The following ZBTB44 variants were observed in gnomAD, a reference collection of about 807,000 sequenced individuals.
ZBTB44 encodes zinc finger and BTB domain-containing protein 44.
ZBTB44 carries 15 observed loss-of-function variants against 54.0 expected under a neutral mutation model. The ratio of observed to expected loss-of-function variants is 0.28; its 90% confidence interval spans 0.19 to 0.43. The LOEUF is 0.43. Ranked by LOEUF, ZBTB44 falls within the 20% of genes least tolerant of loss-of-function variation. The probability of loss-of-function intolerance (pLI) is 1.00; values close to 1 mark genes in which losing one functional copy is unlikely to be tolerated. For synonymous variants in ZBTB44, 230 were observed against 250.1 expected (o/e 0.92, Z 0.76); for missense variants, 487 against 707.1 (o/e 0.69, Z 3.53).
At chr11:130,311,367 C>A (rs1942591808) in intron 1 of ZBTB44, among the ~76,000 whole-genome samples, 1 of 152,046 alleles carries the variant, frequency 6.6e-6, no homozygotes, top group African/African-American at 2.4e-5. Flanking sequence ...CACCACCACG[C>A]CTGGCTAATT....
In ZBTB44 at chr11:130,233,649, A is replaced by G. The variant is rs1357517523; in HGVS notation, c.1687-267T>C. The G allele has an allele frequency of 4.0e-6, 5 of 1,259,734 alleles. No homozygotes were observed. The African/African-American group carries it at 6.2e-5, about 16-fold the overall frequency. The allele number at this position is 1,259,734 out of a possible 1,614,324, so 78.0% of individuals were successfully genotyped here. On this transcript the variant is annotated intron_variant, in intron 6 of 7. Transcript: ENST00000357899. Reference sequence around the variant, plus strand: ...TTCTCATGTACCCTCTTGTCTCAAGAAGGTCAATAATCATCTGATTTCCTC... The same window carrying G: ...TTCTCATGTACCCTCTTGTCTCAAGGAGGTCAATAATCATCTGATTTCCTC...
chr11:130,299,205 A>G (rs966019859), intron 1 of ZBTB44, among the ~76,000 whole-genome samples: 3 of 152,236 alleles, frequency 2.0e-5, no homozygotes, highest in Non-Finnish European at 4.4e-5. Flanking sequence ...ATGCTGGGCC[A>G]TAAGACAAAT....
chr11:130,297,051 C>G, intron 1 of ZBTB44: 1 of 664,496 alleles, frequency 1.5e-6, no homozygotes, highest in South Asian at 1.8e-5. Context: ...GCAGCTCTCT[C>G]ATTGAAGACA....
chr11:130,233,647 A>G, intron 6 of ZBTB44: 2 of 1,262,662 alleles, frequency 1.6e-6, no homozygotes, highest in Non-Finnish European at 2.0e-6. Flanking sequence ...TCTTGTCTCA[A>G]GAAGGTCAAT....
rs375830440 is a variant in ZBTB44 at position 130,260,810 on chromosome 11, T to C, written c.1018+46A>G. ...TTATCTAACAGGAACTTAAAAATGT[T>C]TGAATTGACTTTATAGCACCAAGAA... On this transcript the variant is annotated intron_variant, in intron 2 of 7. Coordinates refer to ENST00000357899, the MANE Select transcript of ZBTB44 (RefSeq NM_001301098.2). 6.6e-6 allele frequency: 10 copies of C among 1,524,742 alleles called. No individual in the cohort carries two copies. In the African/African-American group the frequency reaches 1.4e-4, roughly 21 times the overall value. The allele number at this position is 1,524,742 out of a possible 1,614,324, so 94.5% of individuals were successfully genotyped here. A position where few individuals can be genotyped will look rare whatever the true frequency, so the allele number is the denominator to read the frequency against.
At chr11:130,286,373 TTAAAAAAAATC>T (rs1441722488) in intron 1 of ZBTB44, among the ~76,000 whole-genome samples, 1 of 152,102 alleles carries the variant, frequency 6.6e-6, no homozygotes, top group Non-Finnish European at 1.5e-5. Context: ...TACAATAAAC[TTAAAAAAAATC>T]TATTAATTTG....
intron 1 of ZBTB44, chr11:130,296,185 GA>G: frequency 2.3e-6 from 3 of 1,329,252 alleles, no homozygotes; most frequent in Non-Finnish European, 3.2e-6. Context: ...GGATTTCTCT[GA>G]AAAAAGGAGC....
At chr11:130,282,606 C>T (rs927447131) in intron 1 of ZBTB44, among the ~76,000 whole-genome samples, 1 of 152,294 alleles carries the variant, frequency 6.6e-6, no homozygotes, top group African/African-American at 2.4e-5. Context: ...ACTTAATTTC[C>T]AGGTAAAGAG....
chr11:130,289,474 T>G (rs1391664620), intron 1 of ZBTB44, among the ~76,000 whole-genome samples: 4 of 143,924 alleles, frequency 2.8e-5, no homozygotes, highest in Non-Finnish European at 4.5e-5. Flanking sequence ...AGAGCAAGAC[T>G]CTGCCTCAAA....
intron 2 of ZBTB44, among the ~76,000 whole-genome samples, chr11:130,256,632 T>C (rs1268903810): frequency 7.5e-5 from 11 of 147,370 alleles, no homozygotes; most frequent in African/African-American, 2.4e-4. Context: ...TCCAGCCTGG[T>C]GACAGAGTGA....
At chr11:130,268,222 T>TAAAAA (rs1189306993) in intron 1 of ZBTB44, among the ~76,000 whole-genome samples, 2 of 128,914 alleles carry the variant, frequency 1.6e-5, no homozygotes, top group African/African-American at 5.7e-5. Flanking sequence ...ACGTCTAATT[T>TAAAAA]AAAAAAAAAA....
At chr11:130,251,337 G>A (rs1467687636) in intron 2 of ZBTB44, among the ~76,000 whole-genome samples, 2 of 152,198 alleles carry the variant, frequency 1.3e-5, no homozygotes, top group Non-Finnish European at 2.9e-5. Context: ...CCCTGAAAGT[G>A]ACAGGGAGAA....
chr11:130,260,650 CCATT>C (rs369203730), intron 2 of ZBTB44, among the ~76,000 whole-genome samples: 157 of 151,924 alleles, frequency 1.0e-3, no homozygotes, highest in African/African-American at 3.7e-3. Flanking sequence ...CCAGCAGATA[CCATT>C]CAATTATTTT....
chr11:130,272,238 A>G (rs1939726098), intron 1 of ZBTB44, among the ~76,000 whole-genome samples: 1 of 152,128 alleles, frequency 6.6e-6, no homozygotes, highest in Non-Finnish European at 1.5e-5. Flanking sequence ...TCCAAAAAAA[A>G]AAAGAGTGTA....
At chr11:130,308,338 G>C (rs867765386) in intron 1 of ZBTB44, among the ~76,000 whole-genome samples, 2 of 152,334 alleles carry the variant, frequency 1.3e-5, no homozygotes, top group Middle Eastern at 3.4e-3. Flanking sequence ...TATTCATGGT[G>C]ACTGAAAATT....
At chr11:130,279,778 C>CT (rs1175892202) in intron 1 of ZBTB44, among the ~76,000 whole-genome samples, 1 of 152,136 alleles carries the variant, frequency 6.6e-6, no homozygotes, top group Non-Finnish European at 1.5e-5. Context: ...TTATTCTGGT[C>CT]TTTTCTATAG....
intron 2 of ZBTB44, among the ~76,000 whole-genome samples, chr11:130,251,658 CAT>C (rs913346481): frequency 1.5e-4 from 23 of 152,214 alleles, no homozygotes; most frequent in African/African-American, 5.5e-4. Flanking sequence ...TCCAGAATTT[CAT>C]ATCCAGACAA....
intron 1 of ZBTB44, among the ~76,000 whole-genome samples, chr11:130,281,190 G>A (rs1487488094): frequency 6.6e-6 from 1 of 152,088 alleles, no homozygotes; most frequent in African/African-American, 2.4e-5. Context: ...AATGAGTAAG[G>A]TCTCAAATTA....
At chr11:130,246,288 CAT>C (rs532438820) in intron 2 of ZBTB44, among the ~76,000 whole-genome samples, 22 of 151,944 alleles carry the variant, frequency 1.4e-4, no homozygotes, top group African/African-American at 3.4e-4. Context: ...TACACACACA[CAT>C]ATATATATAC....
Sources: gnomAD v4.1 joint callset for allele counts (sites outside exome capture counted in the v4.1 genomes callset) on GRCh38, gnomAD v4.1.1 for gene constraint, MANE v1.5 for transcripts, NCBI Gene and HGNC (gene_info 2026-07-23, HGNC 2026-07-21) for gene names.